The following GLIS1 variants were observed in gnomAD, a reference collection of about 807,000 sequenced individuals.
GLIS1 encodes the protein GLIS family zinc finger 1.
A neutral mutation model predicts 63.8 loss-of-function variants in GLIS1; 24 were observed. The ratio of observed to expected loss-of-function variants is 0.38; its 90% CI spans 0.27 to 0.53. The LOEUF (loss-of-function observed/expected upper bound fraction) is 0.53, where lower values mean the gene tolerates loss of function less well. Among genes scored for constraint, GLIS1 ranks in the 20% least tolerant of loss-of-function variants. The pLI is 0.85. For synonymous variants in GLIS1, 450 were observed against 482.5 expected (o/e 0.93, Z 0.88); for missense variants, 1,036 against 1,074.1 (o/e 0.96, Z 0.50).
intron 2 of GLIS1, among the ~76,000 whole-genome samples, chr1:53,636,948 C>T (rs565437643): frequency 6.6e-6 from 1 of 152,358 alleles, no homozygotes; most frequent in South Asian, 2.1e-4. Context: ...CGAGGTCTGA[C>T]TCACCTCTGG....
At chr1:53,576,664 TC>T (rs1645034859) in intron 4 of GLIS1, among the ~76,000 whole-genome samples, 1 of 152,174 alleles carries the variant, frequency 6.6e-6, no homozygotes, top group African/African-American at 2.4e-5. Context: ...AGCTCCGCCT[TC>T]CTGGATTCCA....
chr1:53,705,199 T>C (rs1646566192), intron 2 of GLIS1, among the ~76,000 whole-genome samples: 1 of 152,146 alleles, frequency 6.6e-6, no homozygotes, highest in Admixed American at 6.5e-5. Context: ...CCACAGCTAC[T>C]ATGTATCATA....
intron 2 of GLIS1, among the ~76,000 whole-genome samples, chr1:53,718,625 T>G (rs947968470): frequency 5.3e-5 from 8 of 152,038 alleles, no homozygotes; most frequent in Non-Finnish European, 1.0e-4. Flanking sequence ...CAGAAACAGC[T>G]TTACCATCTC....
chr1:53,548,507 C>G (rs529467818), intron 4 of GLIS1, among the ~76,000 whole-genome samples: 2 of 152,218 alleles, frequency 1.3e-5, no homozygotes, highest in Non-Finnish European at 2.9e-5. Context: ...CAGGGTTATC[C>G]CTGCTCGCAT....
chr1:53,690,676 G>A (rs1646394027), intron 2 of GLIS1, among the ~76,000 whole-genome samples: 1 of 152,156 alleles, frequency 6.6e-6, no homozygotes, highest in African/African-American at 2.4e-5. Flanking sequence ...CCCTGTTTTC[G>A]GCTGAGAAAA....
Position 53,665,321 on chromosome 1 carries a change from T to C in GLIS1, c.260-65043A>G, listed in dbSNP as rs141277874. Among the ~76,000 whole-genome samples, 214 of 152,144 alleles carry C rather than the reference T, an allele frequency of 1.4e-3. 2 individuals carry two copies. Among genetic ancestry groups the C allele is most frequent in the African/African-American group, 5.0e-3 (206 of 41,504 alleles). On this transcript the variant is annotated intron_variant, in intron 2 of 10. Transcript: ENST00000628545. ...CATGGGGAAGACTGGGGGAGGTATA[T>C]GTTGGGGATGCCAGGGGTTCATTTT...
At chr1:53,612,689 C>T (rs1645437742) in intron 2 of GLIS1, among the ~76,000 whole-genome samples, 1 of 152,190 alleles carries the variant, frequency 6.6e-6, no homozygotes, top group Admixed American at 6.5e-5. Context: ...CTCTTGGCCC[C>T]ACATTACCTA....
chr1:53,551,237 G>A (rs1569809173), intron 4 of GLIS1, among the ~76,000 whole-genome samples: 1 of 152,146 alleles, frequency 6.6e-6, no homozygotes, highest in South Asian at 2.1e-4. Context: ...ATCCCGCCAC[G>A]GTGGTTTGAA....
chr1:53,596,913 C>T (rs982690647), intron 3 of GLIS1, among the ~76,000 whole-genome samples: 1 of 152,090 alleles, frequency 6.6e-6, no homozygotes, highest in African/African-American at 2.4e-5. Context: ...TTTCACTCAA[C>T]ATGCTTTTCA....
At chr1:53,614,835 C>G (rs193234754) in intron 2 of GLIS1, among the ~76,000 whole-genome samples, 82 of 151,958 alleles carry the variant, frequency 5.4e-4, no homozygotes, top group Admixed American at 9.2e-4. Flanking sequence ...CTTTCACACA[C>G]ATGCACACAC....
At chr1:53,673,426 A>C (rs1223537951) in intron 2 of GLIS1, among the ~76,000 whole-genome samples, 1 of 152,256 alleles carries the variant, frequency 6.6e-6, no homozygotes, top group Non-Finnish European at 1.5e-5. Flanking sequence ...AGCACAGTGT[A>C]GGGGAACCGT....
chr1:53,546,673 T>TGCAACCGACACCAGA lies in GLIS1; in HGVS notation c.1321-16722_1321-16721insTCTGGTGTCGGTTGC, dbSNP rs1213493904. On this transcript the variant is annotated intron_variant, in intron 4 of 10. Coordinates refer to ENST00000628545, the MANE Select transcript of GLIS1 (RefSeq NM_001367484.1). The stretch of plus-strand genomic sequence containing the variant: ...CACCAGCAACAGGTGGCACACTCCA[T>TGCAACCGACACCAGA]GCAACCGACACCAAGGTGCCTCTGC... Among the ~76,000 whole-genome samples, 18 of 152,352 alleles carry TGCAACCGACACCAGA rather than the reference T, an allele frequency of 1.2e-4. No individual in the cohort carries two copies. The East Asian group carries it at 3.3e-3, about 28-fold the overall frequency.
chr1:53,663,837 C>T (rs1217835525), intron 2 of GLIS1, among the ~76,000 whole-genome samples: 3 of 152,216 alleles, frequency 2.0e-5, no homozygotes, highest in African/African-American at 4.8e-5. Context: ...CAGGCAATAG[C>T]CTTTACAAGG....
chr1:53,627,557 AC>A (rs1310392326), intron 2 of GLIS1, among the ~76,000 whole-genome samples: 2 of 152,220 alleles, frequency 1.3e-5, no homozygotes, highest in African/African-American at 4.8e-5. Flanking sequence ...AGAAGGGAAG[AC>A]GAATGAAATT....
intron 2 of GLIS1, 131 bp from the exon 3 acceptor site, chr1:53,600,409 G>C (rs2100548797): frequency 2.3e-6 from 1 of 440,036 alleles, no homozygotes; most frequent in African/African-American, 2.0e-5. Context: ...CTGCATCCCT[G>C]CTGCATGCAA....
chr1:53,535,105 G>C (rs1434264674), intron 4 of GLIS1, among the ~76,000 whole-genome samples: 1 of 152,110 alleles, frequency 6.6e-6, no homozygotes. Context: ...AAGGGAAGCA[G>C]GGAGAGGAGA....
At chr1:53,681,161 C>G (rs558098735) in intron 2 of GLIS1, among the ~76,000 whole-genome samples, 1 of 152,178 alleles carries the variant, frequency 6.6e-6, no homozygotes, top group African/African-American at 2.4e-5. Flanking sequence ...CTCCACTGCT[C>G]CGTGATCCAC....
chr1:53,509,862 C>T lies in GLIS1; in HGVS notation c.2049G>A (p.Leu683=), dbSNP rs534419562. Residue 683 remains leucine, a synonymous_variant, in exon 9 of 11, where the codon CTG becomes CTA. Coordinates refer to ENST00000628545, the MANE Select transcript of GLIS1 (RefSeq NM_001367484.1). ...GCCAGAGCTTACCTTGTGGGCTGGG[C>T]AGAGGCGGGGGTGGAGGGCTCTGGA... ...PPFQSPPPPP[L]PSPQGYQGSF... 21 of 1,306,568 alleles carry T rather than the reference C, an allele frequency of 1.6e-5. No homozygotes were observed. In the Admixed American group the frequency reaches 5.9e-4, roughly 37 times the overall value. 80.9% of individuals were successfully genotyped at this position (1,306,568 alleles called of 1,614,324 possible). A position where few individuals can be genotyped will look rare whatever the true frequency, so the allele number is the denominator to read the frequency against.
rs1170088112 is a variant in GLIS1 at position 53,673,358 on chromosome 1, C to T, written c.259+64448G>A. Among the ~76,000 whole-genome samples the T allele has an allele frequency of 3.5e-4, 53 of 152,202 alleles. 1 individual carries two copies. Among genetic ancestry groups the T allele is most frequent in the Non-Finnish European group, 2.9e-5 (2 of 68,030 alleles). On this transcript the variant is annotated intron_variant, in intron 2 of 10. Transcript: ENST00000628545. ...GATACACAGGAAAAACAAAATATAC[C>T]CATGCCTCCAGTTACACTGTGCTGA...
Sources: allele counts gnomAD v4.1 joint callset (sites outside exome capture counted in the v4.1 genomes callset), GRCh38; gene constraint gnomAD v4.1.1; transcripts MANE v1.5; gene names NCBI Gene and HGNC (gene_info 2026-07-23, HGNC 2026-07-21).